The following CEP290 variants were observed in gnomAD, a reference collection of about 807,000 sequenced individuals.
CEP290 encodes centrosomal protein 290.
CEP290 carries 317 observed loss-of-function variants against 344.9 expected under a neutral mutation model. The ratio of observed to expected loss-of-function variants is 0.92; its 90% CI spans 0.84 to 1.01. CEP290 has a LOEUF of 1.01. Ranked by LOEUF, CEP290 falls within the 50% of genes least tolerant of loss-of-function variation. The pLI, the probability that CEP290 is intolerant of heterozygous loss-of-function variation, is 0.00. For missense variants in CEP290, 2,754 were observed against 2,761.4 expected, an observed-to-expected ratio of 1.00 and a Z score of 0.06; for synonymous variants, 932 against 895.8, an observed-to-expected ratio of 1.04 and a Z score of -0.72.
intron 50 of CEP290, 144 bp downstream of exon 50, chr12:88,055,432 C>A: frequency 1.7e-6 from 1 of 599,882 alleles, no homozygotes. Flanking sequence ...AAGTTTCTGG[C>A]TTAAGCAAAT....
At chr12:88,126,210 A>G in intron 12 of CEP290, 106 bp downstream of exon 12, 1 of 877,174 alleles carries the variant, frequency 1.1e-6, no homozygotes, top group East Asian at 3.4e-5. Flanking sequence ...ACTTGGTAGT[A>G]CCAGCCGCTA....
chr12:88,049,153 A>G lies in CEP290; in HGVS notation c.*31T>C, dbSNP rs1318172720. The G allele has an allele frequency of 1.2e-5, 16 of 1,290,214 alleles. No individual in the cohort carries two copies. In the Admixed American group the frequency reaches 3.5e-4, roughly 28 times the overall value. 79.9% of individuals were successfully genotyped at this position (1,290,214 alleles called of 1,614,324 possible). ...TATTTAACTTATAAAGTTAATAAAT[A>G]GTTAAATGAAACAAAGTTTATAGGT... On this transcript the variant is annotated 3_prime_UTR_variant, in exon 54 of 54. Transcript: ENST00000552810.
In CEP290 at chr12:88,083,082, T is replaced by C; in HGVS notation, c.4961A>G (p.Gln1654Arg). Reference sequence around the variant, plus strand: ...TACTTTTAATTCAGTGATTTCTCTTTGTCTCTCCAAATCTTGTGATACTTT... The same window carrying C: ...TACTTTTAATTCAGTGATTTCTCTTCGTCTCTCCAAATCTTGTGATACTTT... ...LKKVSQDLERQREITELKVKE... is the reference protein window; with the variant it reads ...LKKVSQDLERRREITELKVKE... Residue 1654 changes from glutamine to arginine, a missense_variant, in exon 37 of 54, where the codon CAA becomes CGA. Transcript: ENST00000552810. 1 of 1,529,906 alleles carries C rather than the reference T, an allele frequency of 6.5e-7. No homozygotes were observed. The highest frequency in any genetic ancestry group is 8.8e-7 in the Non-Finnish European group (1 of 1,138,376). The allele number at this position is 1,529,906 out of a possible 1,614,324, so 94.8% of individuals were successfully genotyped here. A position where few individuals can be genotyped will look rare whatever the true frequency, so the allele number is the denominator to read the frequency against.
chr12:88,138,657 C>A (rs1218115561), intron 5 of CEP290, among the ~76,000 whole-genome samples: 1 of 152,216 alleles, frequency 6.6e-6, no homozygotes, highest in Non-Finnish European at 1.5e-5. Flanking sequence ...CACATCCACT[C>A]TTCCCACGCT....
intron 23 of CEP290, among the ~76,000 whole-genome samples, chr12:88,108,702 G>A (rs972402584): frequency 3.9e-5 from 6 of 152,046 alleles, no homozygotes; most frequent in Admixed American, 6.6e-5. Flanking sequence ...ACACTAGTCC[G>A]AGCATTTTCA....
At chr12:88,131,269 T>C in intron 6 of CEP290, 51 bp from the exon 7 acceptor site, 2 of 1,283,738 alleles carry the variant, frequency 1.6e-6, no homozygotes, top group Non-Finnish European at 2.0e-6. Context: ...AATTCAGCAG[T>C]AATTTTTTTT....
chr12:88,050,409 A>G lies in CEP290; in HGVS notation c.7154T>C (p.Ile2385Thr), dbSNP rs1188495667. 3 of 1,560,764 alleles carry G rather than the reference A, an allele frequency of 1.9e-6. No homozygotes were observed. The highest frequency in any genetic ancestry group is 2.3e-5 in the East Asian group (1 of 43,718). The part of the protein sequence containing the change: ...IPDADQLKEK[I>T]KDLETQLKMS... The stretch of plus-strand genomic sequence containing the variant: ...TTTGAGCTGTGTCTCTAGATCTTTT[A>G]TTTTTTCCTTTAGTTGATCAGCATC... Residue 2385 changes from isoleucine to threonine, a missense_variant, in exon 53 of 54, where the codon ATA (isoleucine) becomes ACA (threonine). By Grantham distance (89) the Ile-to-Thr change is moderately conservative. Coordinates refer to ENST00000552810, the MANE Select transcript of CEP290 (RefSeq NM_025114.4).
In CEP290 at chr12:88,076,072, A is replaced by G. The variant is rs762892150; in HGVS notation, c.5709+1150T>C. 5.3e-5 allele frequency among the ~76,000 whole-genome samples: 8 copies of G among 152,288 alleles called. No homozygotes were observed. In the South Asian group the frequency reaches 1.5e-3, roughly 28 times the overall value. On this transcript the variant is annotated intron_variant, in intron 41 of 53. Transcript: ENST00000552810. Reference sequence around the variant, plus strand: ...AGGTTAGAAACTGGTATAGAAACACACCAGTTAGGAACAAACATACCAGTT... The same window carrying G: ...AGGTTAGAAACTGGTATAGAAACACGCCAGTTAGGAACAAACATACCAGTT...
rs2039224039 is a variant in CEP290 at position 88,118,698 on chromosome 12, C to T, written c.1568G>A (p.Ser523Asn). 6.2e-7 allele frequency: 1 copy of T among 1,613,038 alleles called. No individual in the cohort carries two copies. The highest frequency in any genetic ancestry group is 1.3e-5 in the African/African-American group (1 of 74,902). The change falls in exon 16 of 54, where the codon AGC becomes AAC. Residue 523 changes from serine (S) to asparagine (N), a missense_variant. By Grantham distance (46) the Ser-to-Asn change is conservative (BLOSUM62 1). Transcript: ENST00000552810. The stretch of plus-strand genomic sequence containing the variant: ...GTACTGCTGCTGTTTTAAGTGTTTG[C>T]TATTTCTAAATTCAGTTAAATCAAT... ...TMIDLTEFRN[S>N]KHLKQQQYRA... is the part of the protein sequence containing the mutation.
At chr12:88,100,609 AG>A (rs2037797524) in intron 26 of CEP290, among the ~76,000 whole-genome samples, 1 of 152,228 alleles carries the variant, frequency 6.6e-6, no homozygotes, top group Admixed American at 6.5e-5. Flanking sequence ...CAAATTAAAT[AG>A]TTCCTTATAT....
chr12:88,126,751 T>C (rs2039756642), intron 11 of CEP290, among the ~76,000 whole-genome samples: 2 of 152,112 alleles, frequency 1.3e-5, no homozygotes, highest in African/African-American at 4.8e-5. Context: ...AAAAGTTTTA[T>C]ACAATTGATC....
intron 29 of CEP290, 37 bp from the exon 30 acceptor site, chr12:88,090,876 A>G: frequency 1.5e-6 from 2 of 1,324,272 alleles, no homozygotes; most frequent in Non-Finnish European, 2.1e-6. Flanking sequence ...ACAATTAAGT[A>G]CACTTTCTAA....
At chr12:88,078,447 C>T (rs1323468874) in intron 39 of CEP290, among the ~76,000 whole-genome samples, 1 of 151,978 alleles carries the variant, frequency 6.6e-6, no homozygotes, top group African/African-American at 2.4e-5. Flanking sequence ...CCATCTATAA[C>T]ATATTCTGGA....
chr12:88,089,819 C>T (rs902340443), intron 30 of CEP290, among the ~76,000 whole-genome samples: 16 of 151,644 alleles, frequency 1.1e-4, no homozygotes, highest in African/African-American at 2.9e-4. Context: ...CTCCACCTCC[C>T]GGGTTCAAGC....
intron 45 of CEP290, among the ~76,000 whole-genome samples, chr12:88,063,223 C>A (rs1404178833): frequency 6.7e-6 from 1 of 148,186 alleles, no homozygotes; most frequent in Non-Finnish European, 1.5e-5. Flanking sequence ...GTGTGAGAAG[C>A]AAGACATAGC....
chr12:88,062,035 T>C (rs2034525568), intron 46 of CEP290, among the ~76,000 whole-genome samples: 1 of 152,166 alleles, frequency 6.6e-6, no homozygotes, highest in Non-Finnish European at 1.5e-5. Context: ...CGCCTCGGCC[T>C]CCCAAATTGC....
At chr12:88,075,116 T>C (rs757548256) in intron 41 of CEP290, among the ~76,000 whole-genome samples, 10 of 152,132 alleles carry the variant, frequency 6.6e-5, no homozygotes, top group Non-Finnish European at 4.4e-5. Context: ...TCCAGGTAGA[T>C]GATGAATTGA....
In CEP290 at chr12:88,054,455, G is replaced by A. The variant is rs541158737; in HGVS notation, c.6961-42C>T. 1.2e-5 allele frequency: 17 copies of A among 1,365,476 alleles called. No individual in the cohort carries two copies. In the Admixed American group the frequency reaches 2.1e-4, roughly 17 times the overall value. The allele number at this position is 1,365,476 out of a possible 1,614,324, so 84.6% of individuals were successfully genotyped here. On this transcript the variant is annotated intron_variant, in intron 50 of 53. Coordinates refer to ENST00000552810, the MANE Select transcript of CEP290 (RefSeq NM_025114.4). ...AAGTTAGAAGATAAGGTTTGCCATGGAAATATGAGGATTTATAAAGATACA... is the reference window on the plus strand; with the variant it reads ...AAGTTAGAAGATAAGGTTTGCCATGAAAATATGAGGATTTATAAAGATACA...
intron 25 of CEP290, chr12:88,103,994 A>G (rs545226341): frequency 2.8e-4 from 43 of 152,206 alleles, no homozygotes; most frequent in African/African-American, 9.9e-4. Flanking sequence ...CAAGTTCATG[A>G]GCAGGTAGAA....
Sources: gnomAD v4.1 joint callset for allele counts (sites outside exome capture counted in the v4.1 genomes callset) on GRCh38, gnomAD v4.1.1 for gene constraint, MANE v1.5 for transcripts, NCBI Gene and HGNC (gene_info 2026-07-23, HGNC 2026-07-21) for gene names.